Variants in SCML4 observed in about 807,000 individuals in gnomAD.
SCML4 encodes the protein Scm polycomb group protein like 4.
Under a neutral mutation model 41.1 loss-of-function variants are expected in SCML4, and 34 were observed. The ratio of observed to expected loss-of-function variants is 0.83; its 90% CI spans 0.63 to 1.10. The LOEUF (loss-of-function observed/expected upper bound fraction) is 1.10. Among genes scored for constraint, SCML4 ranks in the 50% least tolerant of loss-of-function variants. SCML4 has a pLI of 0.00. For synonymous variants in SCML4, 214 were observed against 220.9 expected (o/e 0.97, Z 0.28); for missense variants, 522 against 534.1 (o/e 0.98, Z 0.22).
chr6:107,734,864 G>T (rs549211567), intron 5 of SCML4, among the ~76,000 whole-genome samples: 2 of 152,096 alleles, frequency 1.3e-5, no homozygotes, highest in Non-Finnish European at 1.5e-5. Flanking sequence ...GTTTCTTTTT[G>T]TTGTTGTTGT....
intron 5 of SCML4, among the ~76,000 whole-genome samples, chr6:107,733,736 C>T (rs1165334896): frequency 6.6e-6 from 1 of 152,216 alleles, no homozygotes; most frequent in Non-Finnish European, 1.5e-5. Context: ...TTGTTTCCAC[C>T]AGTCCTTGTG....
At chr6:107,826,856 G>A (rs1331616892), upstream of SCML4, among the ~76,000 whole-genome samples, 1 of 152,228 alleles carries the variant, frequency 6.6e-6, no homozygotes, top group Non-Finnish European at 1.5e-5. Flanking sequence ...AAGGTCAGGA[G>A]ATCGAGACCA....
At chr6:107,774,712 G>A (rs949135358) in intron 1 of SCML4, among the ~76,000 whole-genome samples, 9 of 151,834 alleles carry the variant, frequency 5.9e-5, no homozygotes, top group Non-Finnish European at 8.8e-5. Context: ...ATCAAGATCC[G>A]AAGTCAACAA....
upstream of SCML4, among the ~76,000 whole-genome samples, chr6:107,826,828 C>T (rs1472407351): frequency 6.6e-6 from 1 of 152,212 alleles, no homozygotes; most frequent in Admixed American, 6.5e-5. Flanking sequence ...CTTTGGGAGG[C>T]TGAGGTGGGC....
At chr6:107,830,583 C>A in the SCML4 span, among the ~76,000 whole-genome samples, 1 of 152,056 alleles carries the variant, frequency 6.6e-6, no homozygotes, top group African/African-American at 2.4e-5. Flanking sequence ...AGAGCCTAGG[C>A]CGTAGTAGGA....
the SCML4 span, among the ~76,000 whole-genome samples, chr6:107,837,492 C>A: frequency 6.6e-6 from 1 of 152,140 alleles, no homozygotes; most frequent in East Asian, 1.9e-4. Context: ...TTTTGGTTGT[C>A]CCCAACACCC....
chr6:107,717,613 T>C (rs529490996), intron 6 of SCML4, among the ~76,000 whole-genome samples: 1 of 152,326 alleles, frequency 6.6e-6, no homozygotes, highest in South Asian at 2.1e-4. Context: ...AGTGGCGCAA[T>C]CTCTGCTCAC....
chr6:107,803,425 TGG>T (rs1272489870), intron 1 of SCML4, among the ~76,000 whole-genome samples: 2 of 134,988 alleles, frequency 1.5e-5, no homozygotes, highest in African/African-American at 6.1e-5. Context: ...GGGAGGGAGG[TGG>T]GGGGGTCAGC....
chr6:107,835,449 A>G, the SCML4 span, among the ~76,000 whole-genome samples: 1 of 152,122 alleles, frequency 6.6e-6, no homozygotes, highest in Admixed American at 6.5e-5. Context: ...AATTAAAAAT[A>G]CAACAGTAAG....
chr6:107,783,977 C>T lies in SCML4; in HGVS notation c.-59-11591G>A, dbSNP rs78194865. ...CTGTCCTGCCACCTCCTGCCCCTGCCCCTCAAGCTTAGGGGTGGTTGCAGC... is the reference window on the plus strand; with the variant it reads ...CTGTCCTGCCACCTCCTGCCCCTGCTCCTCAAGCTTAGGGGTGGTTGCAGC... On this transcript the variant is annotated intron_variant, in intron 1 of 7. Coordinates refer to ENST00000369020, the MANE Select transcript of SCML4 (RefSeq NM_198081.5). Among the ~76,000 whole-genome samples the T allele has an allele frequency of 8.2e-3, 1,241 of 152,260 alleles. 22 individuals carry two copies. The highest frequency in any genetic ancestry group is 0.028 in the African/African-American group (1,175 of 41,560).
Position 107,763,669 on chromosome 6 carries a change from G to A in SCML4, c.156+8503C>T. On this transcript the variant is annotated intron_variant, in intron 2 of 7. Transcript: ENST00000369020. ...CCCAAAATGCCGGGGCTACAGGTGT[G>A]AGCCACTGCGCCTGGCCGGGATTAG... 1.3e-5 allele frequency among the ~76,000 whole-genome samples: 2 copies of A among 152,194 alleles called. 1 individual carries two copies. The highest frequency in any genetic ancestry group is 3.8e-4 in the East Asian group (2 of 5,196).
At chr6:107,752,580 A>C (rs1309439826) in intron 2 of SCML4, among the ~76,000 whole-genome samples, 2 of 152,158 alleles carry the variant, frequency 1.3e-5, no homozygotes, top group African/African-American at 2.4e-5. Flanking sequence ...GTAGAAAGAA[A>C]ACTGGGAGAG....
chr6:107,829,627 C>T, the SCML4 span, among the ~76,000 whole-genome samples: 1 of 152,074 alleles, frequency 6.6e-6, no homozygotes, highest in Non-Finnish European at 1.5e-5. Context: ...AGGACAAATA[C>T]CTAATGCGTG....
At chr6:107,832,160 A>G in the SCML4 span, among the ~76,000 whole-genome samples, 1 of 152,182 alleles carries the variant, frequency 6.6e-6, no homozygotes, top group Non-Finnish European at 1.5e-5. Flanking sequence ...AATCGTTTGA[A>G]CAAGGGAGGC....
At position 107,772,332 on chromosome 6, in the gene SCML4, G is replaced by T. The variant is rs1288392325; in HGVS notation, c.-5C>A. On this transcript the variant is annotated 5_prime_UTR_variant, in exon 2 of 8. Transcript: ENST00000369020. ...CGGGATCCTTTGAGACTGCATTTCT[G>T]CTGGTGCCAGTCTTACAGAATGAGG... 2 of 1,548,878 alleles carry T rather than the reference G, an allele frequency of 1.3e-6. No homozygotes were observed. The highest frequency in any genetic ancestry group is 2.0e-5 in the Admixed American group (1 of 50,514).
At chr6:107,731,780 A>C (rs1037923350) in intron 5 of SCML4, among the ~76,000 whole-genome samples, 1 of 152,246 alleles carries the variant, frequency 6.6e-6, no homozygotes, top group Non-Finnish European at 1.5e-5. Context: ...GCAGGAGTGC[A>C]GTTCGCAGAT....
chr6:107,745,153 C>A lies in SCML4; in HGVS notation c.488-10G>T. The A allele has an allele frequency of 6.4e-7, 1 of 1,553,002 alleles. No homozygotes were observed. Among genetic ancestry groups the A allele is most frequent in the Non-Finnish European group, 8.7e-7 (1 of 1,146,472 alleles). On this transcript the variant is annotated splice_polypyrimidine_tract_variant and intron_variant, in intron 4 of 7. Coordinates refer to ENST00000369020, the MANE Select transcript of SCML4 (RefSeq NM_198081.5). ...TCAAAGGAAGCCGAGACTGGAAAAC[C>A]AGAGAGATGTCAGCTTAGAGCCGGG...
intron 5 of SCML4, among the ~76,000 whole-genome samples, chr6:107,722,805 G>C: frequency 6.6e-6 from 1 of 151,922 alleles, no homozygotes; most frequent in East Asian, 1.9e-4. Flanking sequence ...AGTGGCTAGA[G>C]GTAAATTTAC....
At chr6:107,727,230 C>T (rs1051858253) in intron 5 of SCML4, among the ~76,000 whole-genome samples, 1 of 151,040 alleles carries the variant, frequency 6.6e-6, no homozygotes, top group Non-Finnish European at 1.5e-5. Flanking sequence ...AAAGTAGATT[C>T]GTGGTTGCTT....
Sources: allele counts gnomAD v4.1 joint callset (sites outside exome capture counted in the v4.1 genomes callset), GRCh38; gene constraint gnomAD v4.1.1; transcripts MANE v1.5; gene names NCBI Gene and HGNC (gene_info 2026-07-23, HGNC 2026-07-21).